Variants in TGFBR2 observed in about 807,000 individuals in gnomAD.
The protein encoded by TGFBR2 is TGF-beta receptor type-2.
Under a neutral mutation model 49.0 loss-of-function variants are expected in TGFBR2, and 18 were observed. The ratio of observed to expected loss-of-function variants is 0.37; its 90% CI spans 0.25 to 0.54. TGFBR2 has a LOEUF of 0.54. TGFBR2 is among the 20% of genes least tolerant of loss of function. TGFBR2 has a pLI of 0.85. For missense variants in TGFBR2, 525 were observed against 722.6 expected (o/e 0.73, Z 3.13); for synonymous variants, 282 against 275.9 (o/e 1.02, Z -0.22).
intron 1 of TGFBR2, among the ~76,000 whole-genome samples, chr3:30,624,006 G>A (rs991894266): frequency 6.6e-6 from 1 of 152,070 alleles, no homozygotes; most frequent in East Asian, 1.9e-4. Context: ...AGCTGGGCAT[G>A]GTGGCGGGCG....
At chr3:30,612,974 A>G (rs369055356) in intron 1 of TGFBR2, among the ~76,000 whole-genome samples, 18 of 152,156 alleles carry the variant, frequency 1.2e-4, no homozygotes, top group African/African-American at 4.3e-4. Context: ...TAGTCAGTTT[A>G]GTCTACTTAT....
chr3:30,621,906 C>A (rs1490501743), intron 1 of TGFBR2, among the ~76,000 whole-genome samples: 1 of 152,200 alleles, frequency 6.6e-6, no homozygotes, highest in Non-Finnish European at 1.5e-5. Context: ...AGTTAGCCCC[C>A]TATGAGCCAA....
chr3:30,613,548 G>A (rs890326056), intron 1 of TGFBR2, among the ~76,000 whole-genome samples: 3 of 150,010 alleles, frequency 2.0e-5, no homozygotes, highest in African/African-American at 5.0e-5. Flanking sequence ...GAGAGAGAGA[G>A]AGAAAGAGAG....
chr3:30,618,686 T>C (rs1355237588), intron 1 of TGFBR2, among the ~76,000 whole-genome samples: 1 of 152,234 alleles, frequency 6.6e-6, no homozygotes, highest in Non-Finnish European at 1.5e-5. Flanking sequence ...CACTCTGCTC[T>C]ATACAAAGTA....
intron 2 of TGFBR2, among the ~76,000 whole-genome samples, chr3:30,648,074 C>T (rs1264228632): frequency 1.3e-5 from 2 of 152,048 alleles, no homozygotes; most frequent in Non-Finnish European, 2.9e-5. Flanking sequence ...AAAAGAAGTC[C>T]GTATTTACTT....
At position 30,692,434 on chromosome 3, in the gene TGFBR2, C is replaced by A. The variant is rs17026332; in HGVS notation, c.*835C>A. 0.01 allele frequency: 2,356 copies of A among 231,860 alleles called. 19 individuals are homozygous for A. Among genetic ancestry groups the A allele is most frequent in the Admixed American group, 0.015 (263 of 17,752 alleles). 14.4% of individuals were successfully genotyped at this position (231,860 alleles called of 1,614,324 possible). A position where few individuals can be genotyped will look rare whatever the true frequency, so the allele number is the denominator to read the frequency against. On this transcript the variant is annotated 3_prime_UTR_variant, in exon 7 of 7. Coordinates refer to ENST00000295754, the MANE Select transcript of TGFBR2 (RefSeq NM_003242.6). ...TTACCTTCATGGGTTGCAGAAAAAT[C>A]AGAACAGATGTCCCCATCCATGCGA...
At chr3:30,687,140 A>G (rs1699636554) in intron 5 of TGFBR2, among the ~76,000 whole-genome samples, 1 of 152,204 alleles carries the variant, frequency 6.6e-6, no homozygotes, top group Non-Finnish European at 1.5e-5. Flanking sequence ...GATTGACCCT[A>G]AGGATGTTCA....
At chr3:30,619,969 C>T (rs79751390) in intron 1 of TGFBR2, among the ~76,000 whole-genome samples, 4 of 152,040 alleles carry the variant, frequency 2.6e-5, no homozygotes, top group Non-Finnish European at 4.4e-5. Flanking sequence ...GGGCGGATCA[C>T]GAAGTCAGGA....
intron 3 of TGFBR2, among the ~76,000 whole-genome samples, chr3:30,655,250 T>C (rs910467744): frequency 6.6e-6 from 1 of 152,216 alleles, no homozygotes; most frequent in East Asian, 1.9e-4. Context: ...AAACCAGGCC[T>C]GTGTAGCCTT....
chr3:30,642,320 G>C (rs557720377), intron 1 of TGFBR2, among the ~76,000 whole-genome samples: 1 of 152,016 alleles, frequency 6.6e-6, no homozygotes, highest in African/African-American at 2.4e-5. Context: ...GGAGTGGGGG[G>C]GTTGCTGTTT....
intron 1 of TGFBR2, among the ~76,000 whole-genome samples, chr3:30,644,367 C>T (rs972090597): frequency 6.6e-6 from 1 of 152,164 alleles, no homozygotes; most frequent in African/African-American, 2.4e-5. Context: ...CTGTCTTATT[C>T]ACCAGCTAAA....
chr3:30,688,419 G>C lies in TGFBR2; in HGVS notation c.1432G>C (p.Val478Leu), dbSNP rs1180382801. The C allele has an allele frequency of 6.2e-7, 1 of 1,614,212 alleles. No homozygotes were observed. Among genetic ancestry groups the C allele is most frequent in the South Asian group, 1.1e-5 (1 of 91,090 alleles). The change falls in exon 6 of 7, where the codon GTG becomes CTG. Residue 478 changes from valine (V) to leucine (L), a missense_variant. Transcript: ENST00000295754. ...TTATGAGCCTCCATTTGGTTCCAAG[G>C]TGCGGGAGCACCCCTGTGTCGAAAG... ...KDYEPPFGSK[V>L]REHPCVESMK...
At chr3:30,639,306 T>A (rs1023502215) in intron 1 of TGFBR2, among the ~76,000 whole-genome samples, 1 of 152,230 alleles carries the variant, frequency 6.6e-6, no homozygotes, top group Non-Finnish European at 1.5e-5. Flanking sequence ...TGTGAAGGTA[T>A]GTTGTAGATG....
chr3:30,628,543 TTTTTTTTTTTC>T, intron 1 of TGFBR2, among the ~76,000 whole-genome samples: 1 of 148,856 alleles, frequency 6.7e-6, no homozygotes, highest in African/African-American at 2.5e-5. Context: ...TTTTTTTTTT[TTTTTTTTTTTC>T]TCTAAAATGT....
chr3:30,674,054 A>C, intron 4 of TGFBR2, 51 bp from the exon 5 acceptor site: 1 of 1,613,762 alleles, frequency 6.2e-7, no homozygotes, highest in Non-Finnish European at 8.5e-7. Flanking sequence ...TGTGAAAATA[A>C]AAAGGCAGCT....
At chr3:30,625,665 G>A (rs1691504347) in intron 1 of TGFBR2, among the ~76,000 whole-genome samples, 1 of 152,140 alleles carries the variant, frequency 6.6e-6, no homozygotes, top group South Asian at 2.1e-4. Context: ...GCAACTAAAT[G>A]CCCTGCAGCC....
chr3:30,622,680 G>T (rs1479272861), intron 1 of TGFBR2, among the ~76,000 whole-genome samples: 1 of 151,932 alleles, frequency 6.6e-6, no homozygotes, highest in East Asian at 1.9e-4. Context: ...AGGAGTTTGA[G>T]ACCAGCCTGA....
At chr3:30,645,063 T>G in intron 2 of TGFBR2, 148 bp downstream of exon 2, 1 of 772,414 alleles carries the variant, frequency 1.3e-6, no homozygotes, top group South Asian at 1.6e-5. Flanking sequence ...CTTTCGATTA[T>G]TAAATGTAGT....
At chr3:30,636,299 A>T (rs946645750) in intron 1 of TGFBR2, among the ~76,000 whole-genome samples, 1 of 152,018 alleles carries the variant, frequency 6.6e-6, no homozygotes, top group African/African-American at 2.4e-5. Context: ...AGTATTGATT[A>T]TGTCATTCTT....
Sources: allele counts gnomAD v4.1 joint callset (sites outside exome capture counted in the v4.1 genomes callset), GRCh38; gene constraint gnomAD v4.1.1; transcripts MANE v1.5; gene names NCBI Gene and HGNC (gene_info 2026-07-23, HGNC 2026-07-21).